Variants in RNF150 observed in about 807,000 individuals in gnomAD.
RNF150 encodes ring finger protein 150.
A neutral mutation model predicts 39.3 loss-of-function variants in RNF150; 24 were observed. The ratio of observed to expected loss-of-function variants is 0.61; its 90% CI spans 0.44 to 0.86. The LOEUF (loss-of-function observed/expected upper bound fraction) is 0.86. RNF150 is among the 40% of genes least tolerant of loss of function. The probability of loss-of-function intolerance (pLI) is 0.00; values close to 1 mark genes in which losing one functional copy is unlikely to be tolerated. For synonymous variants in RNF150, 255 were observed against 227.3 expected (o/e 1.12, Z -1.10); for missense variants, 502 against 587.8 (o/e 0.85, Z 1.51).
At chr4:141,039,518 T>G (rs1736278630) in intron 1 of RNF150, among the ~76,000 whole-genome samples, 1 of 152,068 alleles carries the variant, frequency 6.6e-6, no homozygotes, top group Admixed American at 6.6e-5. Context: ...ATTTAGGAAC[T>G]GAGTCATGGC....
chr4:141,184,287 G>T lies in RNF150; in HGVS notation c.-6+28507C>A, dbSNP rs189413525. Among the ~76,000 whole-genome samples, 16 of 152,234 alleles carry T rather than the reference G, an allele frequency of 1.1e-4. No individual in the cohort carries two copies. The East Asian group carries it at 3.1e-3, about 29-fold the overall frequency. On this transcript the variant is annotated intron_variant, in intron 1 of 7. Coordinates refer to the RNF150 transcript ENST00000420921. The stretch of plus-strand genomic sequence containing the variant: ...TGATGAGCCTTTTTCCATGTTTGTT[G>T]GCTACATAAATGTCTTCTTTTGAGA...
At chr4:141,096,190 C>CTTTTTTTTTTTTTTTTTTTTTTTT (rs780868429) in intron 1 of RNF150, among the ~76,000 whole-genome samples, 1 of 67,970 alleles carries the variant, frequency 1.5e-5, no homozygotes, top group African/African-American at 7.0e-5. Flanking sequence ...TTTTAGCTTT[C>CTTTTTTTTTTTTTTTTTTTTTTTT]TTTTTTTTTT....
chr4:141,202,558 T>A (rs931152746), intron 1 of RNF150, among the ~76,000 whole-genome samples: 17 of 149,770 alleles, frequency 1.1e-4, no homozygotes, highest in Admixed American at 9.3e-4. Context: ...ATTTTTCAAA[T>A]TTTTTTTTTG....
chr4:141,118,294 T>C (rs925721759), intron 1 of RNF150, among the ~76,000 whole-genome samples: 5 of 152,200 alleles, frequency 3.3e-5, no homozygotes, highest in Non-Finnish European at 7.3e-5. Flanking sequence ...CCCTATGACC[T>C]TGGCAATTGA....
chr4:140,966,129 G>A lies in RNF150; in HGVS notation c.735+1494C>T, dbSNP rs192082397. Among the ~76,000 whole-genome samples the A allele has an allele frequency of 9.7e-4, 148 of 152,180 alleles. 1 individual carries two copies. Among genetic ancestry groups the A allele is most frequent in the African/African-American group, 3.5e-3 (144 of 41,542 alleles). On this transcript the variant is annotated intron_variant, in intron 2 of 6. Coordinates refer to ENST00000515673, the MANE Select transcript of RNF150 (RefSeq NM_020724.2). ...GTGGGAAGATTACTTGAGGTCAGGAGTTTGAGACTAGCCTGGCCAACATAG... is the reference window on the plus strand; with the variant it reads ...GTGGGAAGATTACTTGAGGTCAGGAATTTGAGACTAGCCTGGCCAACATAG...
chr4:140,972,045 T>C (rs116201098), intron 1 of RNF150, among the ~76,000 whole-genome samples: 91 of 152,210 alleles, frequency 6.0e-4, no homozygotes, highest in African/African-American at 2.1e-3. Context: ...AAAAAATTTA[T>C]ATTGTCCCAT....
Position 140,949,316 on chromosome 4 carries a change from G to A in RNF150, c.792C>T (p.Ile264=). The change falls in exon 3 of 7, where the codon ATC becomes ATT. Residue 264 remains isoleucine (I), a synonymous_variant. Coordinates refer to ENST00000515673, the MANE Select transcript of RNF150 (RefSeq NM_020724.2). Reference sequence around the variant, plus strand: ...CTGCTATTACCTTGTCACCCTTCTTGATGGTCCTGATCTGGAGTTTGCTGA... The same window carrying A: ...CTGCTATTACCTTGTCACCCTTCTTAATGGTCCTGATCTGGAGTTTGCTGA... ...KAISKLQIRT[I]KKGDKETESD... The A allele has an allele frequency of 6.2e-7, 1 of 1,611,728 alleles. No homozygotes were observed. The highest frequency in any genetic ancestry group is 2.2e-5 in the East Asian group (1 of 44,830).
rs59682451 is a variant in RNF150, at chr4:140,882,580, G to A, written c.1199-14201C>T. Among the ~76,000 whole-genome samples, 1,383 of 152,056 alleles carry A rather than the reference G, an allele frequency of 9.1e-3. 27 individuals carry two copies. Among genetic ancestry groups the A allele is most frequent in the African/African-American group, 0.032 (1,312 of 41,484 alleles). ...TATTTTCCCTTTAAATTCTGTACAT[G>A]TTTACTTCATATATTTGGGTGCTCT... On this transcript the variant is annotated intron_variant, in intron 6 of 6. Coordinates refer to ENST00000515673, the MANE Select transcript of RNF150 (RefSeq NM_020724.2).
At chr4:141,048,703 A>G (rs2110882719) in intron 1 of RNF150, among the ~76,000 whole-genome samples, 1 of 152,298 alleles carries the variant, frequency 6.6e-6, no homozygotes. Context: ...ACTGTACTCC[A>G]GCCTGGGTGA....
At chr4:141,183,729 C>T (rs756023912) in intron 1 of RNF150, among the ~76,000 whole-genome samples, 26 of 152,050 alleles carry the variant, frequency 1.7e-4, no homozygotes, top group Non-Finnish European at 2.2e-4. Flanking sequence ...CACTATTCAA[C>T]TCCCACTTAT....
chr4:141,168,710 C>A (rs542441656), intron 1 of RNF150, among the ~76,000 whole-genome samples: 1 of 152,014 alleles, frequency 6.6e-6, no homozygotes, highest in Non-Finnish European at 1.5e-5. Flanking sequence ...AACCAAACAC[C>A]GCATGTTCTC....
intron 1 of RNF150, among the ~76,000 whole-genome samples, chr4:140,986,537 A>G (rs1478536067): frequency 3.9e-5 from 6 of 152,094 alleles, no homozygotes; most frequent in African/African-American, 1.4e-4. Flanking sequence ...AGCTCCCTGC[A>G]TATCTCTTTC....
intron 1 of RNF150, among the ~76,000 whole-genome samples, chr4:141,198,699 A>G (rs1339548596): frequency 6.6e-6 from 1 of 152,226 alleles, no homozygotes; most frequent in Non-Finnish European, 1.5e-5. Context: ...ACTGATTTTT[A>G]AAAAGTTTAA....
intron 1 of RNF150, among the ~76,000 whole-genome samples, chr4:141,060,912 C>T (rs1737194869): frequency 6.6e-6 from 1 of 152,180 alleles, no homozygotes; most frequent in Admixed American, 6.5e-5. Flanking sequence ...ACTGCATGTT[C>T]TCACTCATAA....
intron 1 of RNF150, among the ~76,000 whole-genome samples, chr4:141,117,663 A>G (rs919177138): frequency 2.0e-5 from 3 of 152,210 alleles, no homozygotes; most frequent in African/African-American, 7.2e-5. Flanking sequence ...ATGCATGACT[A>G]TGTAAGAAAT....
chr4:141,006,288 A>G lies in RNF150; in HGVS notation c.485-38415T>C, dbSNP rs540103209. ...TATATATATACATACATATATACGT[A>G]TATATATACACACACACACACATTT... On this transcript the variant is annotated intron_variant, in intron 1 of 6. Coordinates refer to ENST00000515673, the MANE Select transcript of RNF150 (RefSeq NM_020724.2). Among the ~76,000 whole-genome samples, 10 of 129,150 alleles carry G rather than the reference A, an allele frequency of 7.7e-5. No individual in the cohort carries two copies. The South Asian group carries it at 2.4e-3, about 31-fold the overall frequency. 84.7% of individuals were successfully genotyped at this position (129,150 alleles called of 152,430 possible).
intron 1 of RNF150, among the ~76,000 whole-genome samples, chr4:141,037,320 C>T (rs905876438): frequency 6.6e-6 from 1 of 152,094 alleles, no homozygotes; most frequent in Non-Finnish European, 1.5e-5. Flanking sequence ...TAAGTCAATA[C>T]TTCGTAATTT....
chr4:141,057,526 T>C (rs1737030753), intron 1 of RNF150, among the ~76,000 whole-genome samples: 2 of 152,154 alleles, frequency 1.3e-5, no homozygotes, highest in East Asian at 3.9e-4. Context: ...ACCCCATAAG[T>C]AGTTTCATCT....
chr4:141,165,337 G>A (rs994392177), intron 1 of RNF150, among the ~76,000 whole-genome samples: 4 of 151,960 alleles, frequency 2.6e-5, no homozygotes, highest in South Asian at 4.1e-4. Context: ...GCACTCCCAC[G>A]CAATAATAGT....
Sources: allele counts gnomAD v4.1 joint callset (sites outside exome capture counted in the v4.1 genomes callset), GRCh38; gene constraint gnomAD v4.1.1; transcripts MANE v1.5; gene names NCBI Gene and HGNC (gene_info 2026-07-23, HGNC 2026-07-21).